The following KCTD13 variants were observed in gnomAD, a reference collection of about 807,000 sequenced individuals.
KCTD13 encodes the protein BTB/POZ domain-containing adapter for CUL3-mediated RhoA degradation protein 1.
Under a neutral mutation model 32.3 loss-of-function variants are expected in KCTD13, and 15 were observed. The observed-to-expected ratio is 0.46, with a 90% CI of 0.31 to 0.71. The LOEUF is 0.71. Ranked by LOEUF, KCTD13 falls within the 30% of genes least tolerant of loss-of-function variation. The pLI is 0.05. For synonymous variants in KCTD13, 189 were observed against 200.1 expected, an observed-to-expected ratio of 0.94 and a Z score of 0.47; for missense variants, 337 against 452.6, an observed-to-expected ratio of 0.74 and a Z score of 2.32.
intron 1 of KCTD13, 52 bp downstream of exon 1, chr16:29,925,738 G>A (rs2150848137): frequency 2.0e-6 from 3 of 1,526,012 alleles, no homozygotes; most frequent in Admixed American, 1.8e-5. Context: ...AGACTGCGGG[G>A]AACGGGAGTT....
intron 2 of KCTD13, 50 bp from the exon 3 acceptor site, chr16:29,912,099 TC>T: frequency 7.8e-7 from 1 of 1,280,586 alleles, no homozygotes; most frequent in Non-Finnish European, 1.1e-6. Context: ...GGCCACGTAC[TC>T]CCCCACTTAA....
Position 29,911,847 on chromosome 16 carries a change from G to A in KCTD13, c.525C>T (p.His175=), listed in dbSNP as rs1156858608. The A allele has an allele frequency of 2.5e-6, 4 of 1,612,506 alleles. No homozygotes were observed. The highest frequency in any genetic ancestry group is 3.4e-6 in the Non-Finnish European group (4 of 1,179,412). Residue 175 remains histidine (H), a synonymous_variant, in exon 4 of 6, where the codon CAC becomes CAT. Coordinates refer to ENST00000568000, the MANE Select transcript of KCTD13 (RefSeq NM_178863.5). ...STSKPVVKLL[H]NRSNNKYSYT... is the part of the protein sequence containing the mutation. ...AGGAGTACTTGTTGTTACTGCGGTTGTGCAGGAGCTTCACCACGGGCTGGC... is the reference window on the plus strand; with the variant it reads ...AGGAGTACTTGTTGTTACTGCGGTTATGCAGGAGCTTCACCACGGGCTGGC...
rs1393835837 is a variant in KCTD13, at chr16:29,925,600, GGGA to G, written c.244+187_244+189del. The G allele has an allele frequency of 1.8e-5, 11 of 626,184 alleles. No homozygotes were observed. The African/African-American group carries it at 1.8e-4, about 10-fold the overall frequency. The allele number at this position is 626,184 out of a possible 1,614,324, so 38.8% of individuals were successfully genotyped here. A position where few individuals can be genotyped will look rare whatever the true frequency, so the allele number is the denominator to read the frequency against. ...GTTATTGCTGGGGGTAAAGGATTGG[GGGA>G]GGAGAAGAGAAATTATGAATGAGAA... is the stretch of plus-strand genomic sequence containing the variant. On this transcript the variant is annotated intron_variant, in intron 1 of 5. Transcript: ENST00000568000.
In KCTD13 at chr16:29,926,073, C is replaced by G. The variant is rs761673648; in HGVS notation, c.-40G>C. The G allele has an allele frequency of 1.7e-5, 24 of 1,453,838 alleles. No individual in the cohort carries two copies. In the South Asian group the frequency reaches 3.5e-4, roughly 21 times the overall value. 90.1% of individuals were successfully genotyped at this position (1,453,838 alleles called of 1,614,324 possible). ...GCGGACGGCGATCCCAGGATCTCTC[C>G]GCGCCCTGCGGCCTGCTCCCGAAGA... On this transcript the variant is annotated 5_prime_UTR_variant, in exon 1 of 6. Coordinates refer to ENST00000568000, the MANE Select transcript of KCTD13 (RefSeq NM_178863.5).
intron 2 of KCTD13, among the ~76,000 whole-genome samples, chr16:29,915,825 T>C (rs2068800133): frequency 6.6e-6 from 1 of 152,194 alleles, no homozygotes; most frequent in Non-Finnish European, 1.5e-5. Context: ...GCTTGACCTT[T>C]AGACCACATT....
intron 2 of KCTD13, among the ~76,000 whole-genome samples, chr16:29,912,641 T>C (rs1281795482): frequency 6.6e-6 from 1 of 152,190 alleles, no homozygotes; most frequent in Non-Finnish European, 1.5e-5. Context: ...GGTTTCTCCA[T>C]GTTGGTCAGG....
At chr16:29,919,869 T>C (rs966815832) in intron 2 of KCTD13, 2 of 152,220 alleles carry the variant, frequency 1.3e-5, no homozygotes, top group African/African-American at 4.8e-5. Flanking sequence ...AAATAATCAA[T>C]GGTTATTTGT....
Position 29,926,046 on chromosome 16 carries a change from C to T in KCTD13, c.-13G>A. ...CCTCCGCCGACATGCCGGGTAGCAGCGGCGGACGGCGATCCCAGGATCTCT... is the reference window on the plus strand; with the variant it reads ...CCTCCGCCGACATGCCGGGTAGCAGTGGCGGACGGCGATCCCAGGATCTCT... On this transcript the variant is annotated 5_prime_UTR_variant, in exon 1 of 6. Coordinates refer to ENST00000568000, the MANE Select transcript of KCTD13 (RefSeq NM_178863.5). The T allele has an allele frequency of 1.3e-6, 2 of 1,486,268 alleles. No homozygotes were observed. The highest frequency in any genetic ancestry group is 1.8e-6 in the Non-Finnish European group (2 of 1,125,098). 92.1% of individuals were successfully genotyped at this position (1,486,268 alleles called of 1,614,324 possible). A position where few individuals can be genotyped will look rare whatever the true frequency, so the allele number is the denominator to read the frequency against.
In KCTD13 at chr16:29,907,021, C is replaced by T. The variant is rs775680948; in HGVS notation, c.841G>A (p.Glu281Lys). ...GCTCCAGCTGCTCCCCCTGTGGCCT[C>T]CAGGAGGGCTGGGTCTGGGCCCCGG... ...TPRGPDPALL[E>K]ATGGAAGAGG... The change falls in exon 6 of 6, where the codon GAG (glutamate) becomes AAG (lysine). Residue 281 changes from glutamate to lysine, a missense_variant. Coordinates refer to ENST00000568000, the MANE Select transcript of KCTD13 (RefSeq NM_178863.5). The T allele has an allele frequency of 1.2e-6, 2 of 1,614,168 alleles. No individual in the cohort carries two copies. The highest frequency in any genetic ancestry group is 1.7e-6 in the Non-Finnish European group (2 of 1,180,010).
chr16:29,921,566 G>A (rs2068912948), intron 2 of KCTD13: 1 of 152,148 alleles, frequency 6.6e-6, no homozygotes, highest in African/African-American at 2.4e-5. Flanking sequence ...AAGGATACAA[G>A]ATGTATACAC....
rs1167342922 is a variant in KCTD13 at position 29,925,915 on chromosome 16, C to T, written c.119G>A (p.Ser40Asn). Residue 40 changes from serine (S) to asparagine (N), a missense_variant, in exon 1 of 6, where the codon AGC becomes AAC. Around this residue, in one of 3 missense-constraint regions of KCTD13, gnomAD observed 64 missense variants for 59.6 expected, o/e 1.07. Transcript: ENST00000568000. The part of the protein sequence containing the change: ...AYGLKPLTPN[S>N]KYVKLNVGGS... ...GCCCACGTTCAGCTTCACGTATTTGCTGTTCGGGGTCAGCGGCTTGAGACC... is the reference window on the plus strand; with the variant it reads ...GCCCACGTTCAGCTTCACGTATTTGTTGTTCGGGGTCAGCGGCTTGAGACC... 2 of 1,613,978 alleles carry T rather than the reference C, an allele frequency of 1.2e-6. No homozygotes were observed. Among genetic ancestry groups the T allele is most frequent in the Non-Finnish European group, 1.7e-6 (2 of 1,179,970 alleles).
Position 29,911,844 on chromosome 16 carries a change from G to A in KCTD13, c.528C>T (p.Asn176=), listed in dbSNP as rs201307373. 3 of 1,612,742 alleles carry A rather than the reference G, an allele frequency of 1.9e-6. No individual in the cohort carries two copies. The highest frequency in any genetic ancestry group is 2.5e-6 in the Non-Finnish European group (3 of 1,179,506). ...TGTAGGAGTACTTGTTGTTACTGCG[G>A]TTGTGCAGGAGCTTCACCACGGGCT... ...TSKPVVKLLH[N]RSNNKYSYTS... Residue 176 remains asparagine (N), a synonymous_variant, in exon 4 of 6, where the codon AAC becomes AAT. Transcript: ENST00000568000.
At chr16:29,911,229 C>G (rs2068702768) in intron 4 of KCTD13, 56 bp from the exon 5 acceptor site, 1 of 1,375,840 alleles carries the variant, frequency 7.3e-7, no homozygotes, top group South Asian at 1.3e-5. Flanking sequence ...CCCTCTGTAC[C>G]CCCAGAAGAC....
Position 29,926,202 on chromosome 16 carries a change from A to G in KCTD13, c.-169T>C, listed in dbSNP as rs1270412333. The G allele has an allele frequency of 7.9e-6, 6 of 760,184 alleles. No individual in the cohort carries two copies. The South Asian group carries it at 1.6e-4, about 20-fold the overall frequency. The allele number at this position is 760,184 out of a possible 1,614,324, so 47.1% of individuals were successfully genotyped here. A position where few individuals can be genotyped will look rare whatever the true frequency, so the allele number is the denominator to read the frequency against. ...CCCTCCGCCCCATCTCGCTCGCACCACCCGGAAGCCGGCGCCGGGCAGCTG... is the reference window on the plus strand; with the variant it reads ...CCCTCCGCCCCATCTCGCTCGCACCGCCCGGAAGCCGGCGCCGGGCAGCTG... On this transcript the variant is annotated 5_prime_UTR_variant, in exon 1 of 6. Transcript: ENST00000568000.
intron 2 of KCTD13, chr16:29,921,791 GA>G (rs2068918551): frequency 6.6e-6 from 1 of 152,172 alleles, no homozygotes. Context: ...CAAACATGGT[GA>G]AACCCCGTCT....
intron 2 of KCTD13, among the ~76,000 whole-genome samples, chr16:29,917,564 G>A (rs1300821650): frequency 6.6e-6 from 1 of 152,018 alleles, no homozygotes; most frequent in African/African-American, 2.4e-5. Flanking sequence ...GGCGGATCAC[G>A]AGGTCAGGAG....
chr16:29,924,082 G>A (rs981539041), intron 1 of KCTD13, among the ~76,000 whole-genome samples: 2 of 151,250 alleles, frequency 1.3e-5, no homozygotes, highest in Non-Finnish European at 2.9e-5. Context: ...GCTGAGGCAG[G>A]AGAATTGCTT....
intron 4 of KCTD13, 193 bp from the exon 5 acceptor site, chr16:29,911,366 CCAGCA>C (rs750171107): frequency 2.3e-5 from 14 of 603,156 alleles, no homozygotes; most frequent in African/African-American, 3.7e-5. Flanking sequence ...TGAGCAAATC[CCAGCA>C]CAGCACAGCA....
rs371230382 is a variant in KCTD13, at chr16:29,911,898, G to T, written c.505-31C>A. ...GGGGGAGAGAGGATGGACGAGAGGG[G>T]TGAGGCTGCAGGGAGAGGCCCCCCC... On this transcript the variant is annotated intron_variant, in intron 3 of 5. Transcript: ENST00000568000. The T allele has an allele frequency of 4.2e-5, 68 of 1,611,052 alleles. No homozygotes were observed. The African/African-American group carries it at 8.6e-4, about 20-fold the overall frequency.
Sources: gnomAD v4.1 joint callset for allele counts (sites outside exome capture counted in the v4.1 genomes callset) on GRCh38, gnomAD v4.1.1 for gene constraint, gnomAD v4.1.1 regional missense constraint, MANE v1.5 for transcripts, NCBI Gene and HGNC (gene_info 2026-07-23, HGNC 2026-07-21) for gene names.